GABRB1: variants seen among roughly 807,000 people sequenced by gnomAD.
The protein encoded by GABRB1 is gamma-aminobutyric acid type A receptor subunit beta1.
GABRB1 carries 17 observed loss-of-function variants against 51.6 expected under a neutral mutation model. The observed-to-expected ratio is 0.33, with a 90% confidence interval of 0.23 to 0.49. The LOEUF is 0.49. Ranked by LOEUF, GABRB1 falls within the 20% of genes least tolerant of loss-of-function variation. The pLI, the probability that GABRB1 is intolerant of heterozygous loss-of-function variation, is 0.99. For missense variants in GABRB1, 410 were observed against 600.6 expected (o/e 0.68, Z 3.32); for synonymous variants, 247 against 218.9 (o/e 1.13, Z -1.14).
At chr4:47,405,550 G>A (rs952656443) in intron 7 of GABRB1, among the ~76,000 whole-genome samples, 6 of 151,948 alleles carry the variant, frequency 3.9e-5, no homozygotes, top group Admixed American at 2.6e-4. Flanking sequence ...TAGCTGGGTG[G>A]CCTAAAACAA....
chr4:47,103,222 G>C lies in GABRB1; in HGVS notation c.241-58027G>C, dbSNP rs542456417. ...ATTATGAATATATAGAAACAAAGTA[G>C]GAAAAAGTCTTTCTGTTCTTTATAT... On this transcript the variant is annotated intron_variant, in intron 3 of 8. Transcript: ENST00000295454. Among the ~76,000 whole-genome samples, 25 of 151,984 alleles carry C rather than the reference G, an allele frequency of 1.6e-4. 1 individual carries two copies. In the South Asian group the frequency reaches 5.2e-3, roughly 32 times the overall value.
At chr4:47,352,743 C>G (rs1054971469) in intron 5 of GABRB1, among the ~76,000 whole-genome samples, 3 of 151,540 alleles carry the variant, frequency 2.0e-5, no homozygotes, top group Admixed American at 6.6e-5. Context: ...TTTCAACACT[C>G]ACATTATTTT....
chr4:47,130,325 CTGTGTGTGTGTGTGTGTG>C lies in GABRB1; in HGVS notation c.241-30887_241-30870del, dbSNP rs67244692. ...CCCCATAATGTCTGGGCTCCAGATA[CTGTGTGTGTGTGTGTGTG>C]TGTGTGTGTGTGTGTGTGTGTGTGT... On this transcript the variant is annotated intron_variant, in intron 3 of 8. Coordinates refer to ENST00000295454, the MANE Select transcript of GABRB1 (RefSeq NM_000812.4). Among the ~76,000 whole-genome samples, 634 of 133,728 alleles carry C rather than the reference CTGTGTGTGTGTGTGTGTG, an allele frequency of 4.7e-3. 8 individuals carry two copies. Among genetic ancestry groups the C allele is most frequent in the South Asian group, 0.045 (172 of 3,814 alleles). 87.7% of individuals were successfully genotyped at this position (133,728 alleles called of 152,430 possible).
At chr4:47,221,996 A>T (rs1720785396) in intron 4 of GABRB1, among the ~76,000 whole-genome samples, 1 of 152,118 alleles carries the variant, frequency 6.6e-6, no homozygotes. Flanking sequence ...CCACTTTAGC[A>T]CTATGCTAGG....
intron 5 of GABRB1, among the ~76,000 whole-genome samples, chr4:47,396,315 A>G (rs1472289884): frequency 1.3e-5 from 2 of 152,252 alleles, no homozygotes; most frequent in African/African-American, 4.8e-5. Context: ...GGGGGAAACT[A>G]CCCCCATTAT....
chr4:47,365,463 G>A lies in GABRB1; in HGVS notation c.545-37855G>A, dbSNP rs1056604414. The stretch of plus-strand genomic sequence containing the variant: ...AGAAGGCCCATTGGAGAGGGATTTG[G>A]GGTAAGGATTGTTTCTTCCCACCCA... On this transcript the variant is annotated intron_variant, in intron 5 of 8. Transcript: ENST00000295454. Among the ~76,000 whole-genome samples, 5 of 152,072 alleles carry A rather than the reference G, an allele frequency of 3.3e-5. No homozygotes were observed. In the East Asian group the frequency reaches 9.6e-4, roughly 29 times the overall value.
At chr4:47,138,285 TG>T (rs1716764027) in intron 3 of GABRB1, among the ~76,000 whole-genome samples, 1 of 152,102 alleles carries the variant, frequency 6.6e-6, no homozygotes, top group Non-Finnish European at 1.5e-5. Flanking sequence ...GTTCTGAAGG[TG>T]GCTTTTATCG....
intron 5 of GABRB1, among the ~76,000 whole-genome samples, chr4:47,354,189 T>C (rs184436331): frequency 1.3e-5 from 2 of 152,330 alleles, no homozygotes; most frequent in Admixed American, 6.5e-5. Flanking sequence ...CATGACCTAT[T>C]GTCCAGCATT....
At chr4:47,378,040 C>A in intron 5 of GABRB1, among the ~76,000 whole-genome samples, 1 of 152,220 alleles carries the variant, frequency 6.6e-6, no homozygotes, top group East Asian at 1.9e-4. Flanking sequence ...CACCGTGCGC[C>A]CACGCTCCTC....
intron 4 of GABRB1, among the ~76,000 whole-genome samples, chr4:47,172,440 T>G (rs930482476): frequency 6.6e-6 from 1 of 152,032 alleles, no homozygotes; most frequent in African/African-American, 2.4e-5. Context: ...AAAACACATT[T>G]TGAGAAGAAA....
chr4:47,406,353 A>G (rs1217608800), intron 7 of GABRB1, among the ~76,000 whole-genome samples: 2 of 152,252 alleles, frequency 1.3e-5, no homozygotes, highest in African/African-American at 4.8e-5. Context: ...TGGTCATGTA[A>G]CAAAGTGAGC....
intron 3 of GABRB1, among the ~76,000 whole-genome samples, chr4:47,064,421 G>A (rs1166597021): frequency 6.6e-6 from 1 of 152,000 alleles, no homozygotes; most frequent in African/African-American, 2.4e-5. Context: ...GATCACCTGA[G>A]GTCAGGAGTT....
At chr4:47,279,981 T>C (rs1466016585) in intron 4 of GABRB1, among the ~76,000 whole-genome samples, 1 of 152,066 alleles carries the variant, frequency 6.6e-6, no homozygotes, top group East Asian at 1.9e-4. Flanking sequence ...ATTCCATCTA[T>C]TTACATTGAA....
intron 3 of GABRB1, among the ~76,000 whole-genome samples, chr4:47,145,962 T>C (rs1394703729): frequency 1.3e-5 from 2 of 152,104 alleles, no homozygotes; most frequent in East Asian, 3.9e-4. Flanking sequence ...CTCTCCGTTT[T>C]ATTTCTATAC....
intron 5 of GABRB1, among the ~76,000 whole-genome samples, chr4:47,350,219 A>AGC (rs1726271086): frequency 1.5e-5 from 1 of 65,956 alleles, no homozygotes; most frequent in African/African-American, 6.8e-5. Context: ...ATATATATAT[A>AGC]GAGAGAGAGA....
At chr4:47,376,502 C>T (rs1313576765) in intron 5 of GABRB1, among the ~76,000 whole-genome samples, 1 of 152,130 alleles carries the variant, frequency 6.6e-6, no homozygotes, top group Non-Finnish European at 1.5e-5. Context: ...AAAAAATTAG[C>T]CGGGCCTAGT....
At chr4:47,375,807 A>T (rs1232346379) in intron 5 of GABRB1, among the ~76,000 whole-genome samples, 2 of 152,202 alleles carry the variant, frequency 1.3e-5, no homozygotes, top group Non-Finnish European at 2.9e-5. Context: ...GAGGAAAAGC[A>T]AATATTGATA....
chr4:47,384,404 C>A (rs1727707834), intron 5 of GABRB1, among the ~76,000 whole-genome samples: 1 of 141,618 alleles, frequency 7.1e-6, no homozygotes, highest in Non-Finnish European at 1.5e-5. Context: ...AAAAGTGACC[C>A]CCACACCAAA....
At chr4:47,410,026 G>A (rs1024627831) in intron 8 of GABRB1, among the ~76,000 whole-genome samples, 6 of 152,086 alleles carry the variant, frequency 3.9e-5, no homozygotes, top group Non-Finnish European at 8.8e-5. Context: ...AGTAACATTG[G>A]GCTTAAATGT....
Sources: allele counts gnomAD v4.1 joint callset (sites outside exome capture counted in the v4.1 genomes callset), GRCh38; gene constraint gnomAD v4.1.1; transcripts MANE v1.5; gene names NCBI Gene and HGNC (gene_info 2026-07-23, HGNC 2026-07-21).